Variants in TNNI3K observed in about 807,000 individuals in gnomAD.
TNNI3K encodes the protein serine/threonine-protein kinase TNNI3K.
Under a neutral mutation model 114.5 loss-of-function variants are expected in TNNI3K, and 140 were observed. That is an observed-to-expected ratio of 1.22 (90% CI 1.07 to 1.41). The LOEUF (loss-of-function observed/expected upper bound fraction) is 1.41, where lower values mean the gene tolerates loss of function less well. Among genes scored for constraint, TNNI3K ranks in the 40% most tolerant of loss-of-function variants. TNNI3K has a pLI of 0.00. For synonymous variants in TNNI3K, 347 were observed against 347.5 expected (o/e 1.00, Z 0.02); for missense variants, 1,125 against 1,007.6 (o/e 1.12, Z -1.58).
intron 11 of TNNI3K, among the ~76,000 whole-genome samples, chr1:74,360,486 T>C (rs569267873): frequency 6.6e-6 from 1 of 152,158 alleles, no homozygotes; most frequent in South Asian, 2.1e-4. Context: ...TCTAAATACT[T>C]CACATATATT....
chr1:74,284,774 G>A (rs562390165), intron 5 of TNNI3K, among the ~76,000 whole-genome samples: 1 of 152,296 alleles, frequency 6.6e-6, no homozygotes, highest in South Asian at 2.1e-4. Flanking sequence ...ATGACCTTGA[G>A]AAGTAGGATA....
intron 4 of TNNI3K, among the ~76,000 whole-genome samples, chr1:74,266,293 T>G (rs1655983303): frequency 6.6e-6 from 1 of 152,052 alleles, no homozygotes; most frequent in Non-Finnish European, 1.5e-5. Context: ...ATGTGCGATG[T>G]ACCTTCTCCA....
chr1:74,271,478 A>T (rs1337281045), intron 4 of TNNI3K, 120 bp from the exon 5 acceptor site: 2 of 876,926 alleles, frequency 2.3e-6, no homozygotes, highest in African/African-American at 3.4e-5. Context: ...TAGAAATCAC[A>T]CTTAAGTTTC....
intron 7 of TNNI3K, among the ~76,000 whole-genome samples, chr1:74,337,368 G>C (rs1216525821): frequency 3.3e-5 from 5 of 151,360 alleles, no homozygotes; most frequent in Non-Finnish European, 7.4e-5. Flanking sequence ...GATCCCATTT[G>C]TCAATTTTGG....
chr1:74,388,853 C>T (rs1193156668), intron 17 of TNNI3K, among the ~76,000 whole-genome samples: 2 of 152,212 alleles, frequency 1.3e-5, no homozygotes, highest in East Asian at 1.9e-4. Context: ...CTCCCCACCT[C>T]CAGGTTTCAA....
chr1:74,454,187 A>C (rs1168228147), intron 20 of TNNI3K, among the ~76,000 whole-genome samples: 1 of 152,132 alleles, frequency 6.6e-6, no homozygotes, highest in Non-Finnish European at 1.5e-5. Flanking sequence ...GGGATATCTG[A>C]CTTAAGCATT....
chr1:74,341,034 T>G (rs1660722773), intron 7 of TNNI3K, among the ~76,000 whole-genome samples: 1 of 152,188 alleles, frequency 6.6e-6, no homozygotes, highest in Admixed American at 6.5e-5. Context: ...TGAGGATGAT[T>G]GTTTACAAAT....
intron 23 of TNNI3K, among the ~76,000 whole-genome samples, chr1:74,520,479 C>G (rs45600337): frequency 8.5e-4 from 129 of 152,048 alleles, no homozygotes; most frequent in African/African-American, 2.9e-3. Context: ...TGAGGCCCAT[C>G]CATCCATCTG....
chr1:74,303,643 C>T (rs1282130806), intron 5 of TNNI3K, among the ~76,000 whole-genome samples: 1 of 152,132 alleles, frequency 6.6e-6, no homozygotes, highest in Non-Finnish European at 1.5e-5. Context: ...ATTCTGTAGC[C>T]CATGGACCAA....
At chr1:74,389,919 T>A (rs1359762729) in intron 17 of TNNI3K, among the ~76,000 whole-genome samples, 1 of 152,002 alleles carries the variant, frequency 6.6e-6, no homozygotes, top group African/African-American at 2.4e-5. Flanking sequence ...AGAGGGGTAA[T>A]CATGGAGATA....
At chr1:74,376,818 ATT>A (rs1662928477) in intron 17 of TNNI3K, 1 of 148,494 alleles carries the variant, frequency 6.7e-6, no homozygotes, top group Non-Finnish European at 1.5e-5. Context: ...GGGGGCCTTC[ATT>A]AAAAAAAAAA....
Position 74,342,956 on chromosome 1 carries a change from T to G in TNNI3K, c.797T>G (p.Val266Gly). 1 of 1,613,928 alleles carries G rather than the reference T, an allele frequency of 6.2e-7. No homozygotes were observed. The highest frequency in any genetic ancestry group is 1.7e-5 in the Admixed American group (1 of 59,954). Residue 266 changes from valine to glycine, a missense_variant, in exon 8 of 25, where the codon GTT (valine) becomes GGT (glycine). Coordinates refer to ENST00000326637, the MANE Select transcript of TNNI3K (RefSeq NM_015978.3). ...GATTTGGAAGTTCAACCTCATGTTG[T>G]TAATATCTATGGAGATACCCCCTTA... ...QSDLEVQPHV[V>G]NIYGDTPLHL...
intron 23 of TNNI3K, among the ~76,000 whole-genome samples, chr1:74,538,461 G>A (rs116184351): frequency 0.012 from 1,787 of 152,220 alleles, 41 homozygotes; most frequent in African/African-American, 0.041. Flanking sequence ...GAGTGTTGAA[G>A]ATATAGCAGG....
chr1:74,376,713 G>A (rs550625989), intron 17 of TNNI3K: 31 of 151,986 alleles, frequency 2.0e-4, no homozygotes, highest in African/African-American at 5.5e-4. Context: ...ATGCTATGCC[G>A]TAGGGGTACA....
At chr1:74,271,803 C>T (rs1025983214) in intron 5 of TNNI3K, 95 bp downstream of exon 5, 18 of 1,095,714 alleles carry the variant, frequency 1.6e-5, no homozygotes, top group Non-Finnish European at 2.2e-5. Flanking sequence ...TGAGACTTTA[C>T]AAGTTGGTTT....
intron 20 of TNNI3K, among the ~76,000 whole-genome samples, chr1:74,460,619 C>T (rs901469875): frequency 3.9e-5 from 6 of 152,206 alleles, no homozygotes; most frequent in African/African-American, 1.4e-4. Flanking sequence ...AATCTCCTTC[C>T]TGAATCTGTA....
chr1:74,426,130 C>T (rs906267861), intron 17 of TNNI3K, among the ~76,000 whole-genome samples: 3 of 152,060 alleles, frequency 2.0e-5, no homozygotes, highest in Non-Finnish European at 2.9e-5. Flanking sequence ...TCCCTGTGTT[C>T]GCTAAGGGGA....
At chr1:74,377,668 G>A (rs1249474975) in intron 17 of TNNI3K, among the ~76,000 whole-genome samples, 1 of 151,994 alleles carries the variant, frequency 6.6e-6, no homozygotes, top group Non-Finnish European at 1.5e-5. Flanking sequence ...CACATGAACT[G>A]CAGTGTGCAC....
Position 74,370,418 on chromosome 1 carries a change from C to G in TNNI3K, c.1772+26C>G, listed in dbSNP as rs766872515. On this transcript the variant is annotated intron_variant, in intron 17 of 24. Coordinates refer to ENST00000326637, the MANE Select transcript of TNNI3K (RefSeq NM_015978.3). ...GTATTTTTTTCCTAAATAATGAACT[C>G]AGAAGGGTATGACTAACTGGGAGTT... The G allele has an allele frequency of 1.9e-6, 3 of 1,583,640 alleles. No homozygotes were observed. The South Asian group carries it at 3.4e-5, about 18-fold the overall frequency.
Sources: gnomAD v4.1 joint callset for allele counts (sites outside exome capture counted in the v4.1 genomes callset) on GRCh38, gnomAD v4.1.1 for gene constraint, MANE v1.5 for transcripts, NCBI Gene and HGNC (gene_info 2026-07-23, HGNC 2026-07-21) for gene names.